Variants in MROH1 observed in about 807,000 individuals in gnomAD.
MROH1 encodes the protein maestro heat-like repeat-containing protein family member 1.
In MROH1, 117 loss-of-function variants were observed where a neutral mutation model predicts 116.5. The observed-to-expected ratio is 1.00, with a 90% CI of 0.86 to 1.17. MROH1 has a LOEUF of 1.17. MROH1 is among the 50% of genes most tolerant of loss of function. The pLI is 0.00. For missense variants in MROH1, 1,873 were observed against 1,338.5 expected, an observed-to-expected ratio of 1.40 and a Z score of -6.23; for synonymous variants, 921 against 583.9, an observed-to-expected ratio of 1.58 and a Z score of -8.32.
Position 144,254,944 on chromosome 8 carries a change from C to T in MROH1, c.3560C>T (p.Thr1187Ile), listed in dbSNP as rs1383577313. The change falls in exon 34 of 44, where the codon ACC becomes ATC. Residue 1187 changes from threonine (T) to isoleucine (I), a missense_variant. Transcript: ENST00000326134. Reference protein sequence around the residue: ...KESRAFLLGRTPDRVATLLPL... With the variant: ...KESRAFLLGRIPDRVATLLPL... ...AGCCGGGCCTTCCTGCTGGGCCGCA[C>T]CCCAGACCGCGTGGCCACGCTGCTG... is the stretch of plus-strand genomic sequence containing the variant. 9.0e-6 allele frequency: 7 copies of T among 773,766 alleles called. No individual in the cohort carries two copies. The highest frequency in any genetic ancestry group is 5.1e-5 in the African/African-American group (3 of 58,956). The allele number at this position is 773,766 out of a possible 1,614,324, so 47.9% of individuals were successfully genotyped here. A position where few individuals can be genotyped will look rare whatever the true frequency, so the allele number is the denominator to read the frequency against.
intron 1 of MROH1, among the ~76,000 whole-genome samples, chr8:144,157,977 A>G (rs1818569475): frequency 7.8e-6 from 1 of 127,758 alleles, no homozygotes; most frequent in South Asian, 2.4e-4. Flanking sequence ...GCGCCTGGCC[A>G]TCTATTTCTT....
At chr8:144,189,070 G>T (rs1011424241) in intron 7 of MROH1, among the ~76,000 whole-genome samples, 1 of 152,226 alleles carries the variant, frequency 6.6e-6, no homozygotes, top group Non-Finnish European at 1.5e-5. Flanking sequence ...AAAAGTAATT[G>T]TTTGAAAATA....
At chr8:144,169,257 T>G (rs570441967) in intron 4 of MROH1, among the ~76,000 whole-genome samples, 1 of 152,238 alleles carries the variant, frequency 6.6e-6, no homozygotes, top group South Asian at 2.1e-4. Flanking sequence ...TTTTGGTATG[T>G]AAAAAGGGAC....
intron 3 of MROH1, among the ~76,000 whole-genome samples, chr8:144,165,671 C>T (rs539148358): frequency 1.3e-5 from 2 of 151,718 alleles, no homozygotes; most frequent in African/African-American, 4.8e-5. Flanking sequence ...GCCTCCTGTC[C>T]TCAAGGGATC....
At chr8:144,215,953 G>A (rs1229820347) in intron 12 of MROH1, among the ~76,000 whole-genome samples, 7 of 151,862 alleles carry the variant, frequency 4.6e-5, no homozygotes, top group Non-Finnish European at 1.0e-4. Flanking sequence ...TTGGGAGGCC[G>A]AGGCACGGAT....
At chr8:144,159,394 A>G (rs1458565204) in intron 1 of MROH1, among the ~76,000 whole-genome samples, 1 of 152,192 alleles carries the variant, frequency 6.6e-6, no homozygotes, top group African/African-American at 2.4e-5. Flanking sequence ...GTTGAAATCT[A>G]TACTGCAATT....
intron 12 of MROH1, among the ~76,000 whole-genome samples, chr8:144,216,795 T>C (rs1340870122): frequency 6.6e-6 from 1 of 151,826 alleles, no homozygotes; most frequent in East Asian, 1.9e-4. Flanking sequence ...GTTCAAGCGA[T>C]TCTCCTGCCT....
rs1202978642 is a variant in MROH1, at chr8:144,236,895, CCTTTTTT to C, written c.1339-1860_1339-1854del. On this transcript the variant is annotated intron_variant, in intron 14 of 43. Transcript: ENST00000326134. ...CTGTTGTGACAGAGCCTCTCCTATT[CCTTTTTT>C]TTTTTTTTTTTTTTTTTTTTTGAGA... Among the ~76,000 whole-genome samples the C allele has an allele frequency of 5.4e-3, 712 of 131,158 alleles. 21 individuals carry two copies. Among genetic ancestry groups the C allele is most frequent in the African/African-American group, 0.02 (682 of 33,714 alleles). 86.0% of individuals were successfully genotyped at this position (131,158 alleles called of 152,430 possible).
At chr8:144,217,072 C>T (rs997229143) in intron 12 of MROH1, among the ~76,000 whole-genome samples, 4 of 152,056 alleles carry the variant, frequency 2.6e-5, no homozygotes, top group Non-Finnish European at 5.9e-5. Context: ...GTAATCCCTG[C>T]GTTTTCGGAG....
intron 12 of MROH1, among the ~76,000 whole-genome samples, chr8:144,219,165 G>T (rs1366020891): frequency 1.3e-5 from 2 of 151,744 alleles, no homozygotes; most frequent in Non-Finnish European, 2.9e-5. Flanking sequence ...TGGGACTACA[G>T]GCATCCACCA....
Position 144,190,850 on chromosome 8 carries a change from C to A in MROH1, c.629C>A (p.Thr210Lys). 6.2e-7 allele frequency: 1 copy of A among 1,613,840 alleles called. No individual in the cohort carries two copies. The highest frequency in any genetic ancestry group is 8.5e-7 in the Non-Finnish European group (1 of 1,179,886). The stretch of plus-strand genomic sequence containing the variant: ...AACCTGGACCGAGCCCCAGACCCCA[C>A]GGTCAGGAAGGACGCCTTTGCCACC... ...LANLDRAPDPTVRKDAFATDI... is the reference protein window; with the variant it reads ...LANLDRAPDPKVRKDAFATDI... Residue 210 changes from threonine to lysine, a missense_variant, in exon 8 of 44, where the codon ACG (threonine) becomes AAG (lysine). Thr to Lys is a moderately conservative substitution (Grantham distance 78). Coordinates refer to ENST00000326134, the MANE Select transcript of MROH1 (RefSeq NM_032450.3).
chr8:144,158,741 CT>C (rs545027106), intron 1 of MROH1, among the ~76,000 whole-genome samples: 79 of 146,580 alleles, frequency 5.4e-4, no homozygotes, highest in Admixed American at 6.2e-4. Context: ...TTCTTTTACA[CT>C]TTTTTTTTTT....
chr8:144,163,965 C>T lies in MROH1; in HGVS notation c.22+117C>T, dbSNP rs1192723709. 6.2e-5 allele frequency: 68 copies of T among 1,095,406 alleles called. No individual in the cohort carries two copies. Among genetic ancestry groups the T allele is most frequent in the Middle Eastern group, 5.0e-4 (2 of 3,988 alleles). 67.9% of individuals were successfully genotyped at this position (1,095,406 alleles called of 1,614,324 possible). On this transcript the variant is annotated intron_variant, in intron 3 of 43. Coordinates refer to ENST00000326134, the MANE Select transcript of MROH1 (RefSeq NM_032450.3). The surrounding 1 kb of genome is among the most constrained non-coding windows in gnomAD (Gnocchi z 4.4). ...GTGCCTAGAGTTTCCACCCTATACT[C>T]GGGAGCCTGAGTGGGTTCTGGGCAG...
Position 144,260,803 on chromosome 8 carries a change from C to G in MROH1, c.4507C>G (p.Leu1503Val). 1.3e-6 allele frequency: 1 copy of G among 778,154 alleles called. No individual in the cohort carries two copies. Among genetic ancestry groups the G allele is most frequent in the African/African-American group, 1.7e-5 (1 of 59,268 alleles). 48.2% of individuals were successfully genotyped at this position (778,154 alleles called of 1,614,324 possible). A position where few individuals can be genotyped will look rare whatever the true frequency, so the allele number is the denominator to read the frequency against. ...CGGGCTGGCGCCCCTGCTGCTGCAC[C>G]TGCAGGACCCTCAGGCCACCGTGGC... Reference protein sequence around the residue: ...VGGLAPLLLHLQDPQATVASA... With the variant: ...VGGLAPLLLHVQDPQATVASA... Residue 1503 changes from leucine to valine, a missense_variant, in exon 40 of 44, where the codon CTG becomes GTG. Transcript: ENST00000326134.
intron 12 of MROH1, among the ~76,000 whole-genome samples, chr8:144,215,859 C>G (rs182932527): frequency 7.3e-6 from 1 of 136,842 alleles, no homozygotes; most frequent in Non-Finnish European, 1.5e-5. Flanking sequence ...GGTGATAGAG[C>G]GAGACTCTGT....
At chr8:144,216,449 G>A (rs1175381267) in intron 12 of MROH1, among the ~76,000 whole-genome samples, 1 of 152,096 alleles carries the variant, frequency 6.6e-6, no homozygotes, top group African/African-American at 2.4e-5. Flanking sequence ...ATTCCATCCT[G>A]GGCAACAGAG....
Position 144,182,336 on chromosome 8 carries a change from G to T in MROH1, c.562+1813G>T, listed in dbSNP as rs1198528937. 7.2e-5 allele frequency among the ~76,000 whole-genome samples: 11 copies of T among 152,314 alleles called. No homozygotes were observed. The East Asian group carries it at 2.1e-3, about 29-fold the overall frequency. On this transcript the variant is annotated intron_variant, in intron 7 of 43. Coordinates refer to ENST00000326134, the MANE Select transcript of MROH1 (RefSeq NM_032450.3). This position sits in a 1 kb window ranked among gnomAD's most constrained non-coding sequence, Gnocchi z 4.1. ...CTGGCCTGGCCACGCCGTCCAGCAG[G>T]GCAGGCATCCAGTAATTCCTCCCGG...
At chr8:144,156,336 G>A (rs6558307) in intron 1 of MROH1, among the ~76,000 whole-genome samples, 149,979 of 152,048 alleles carry the variant, frequency 0.99, 74,000 homozygotes, top group East Asian at 1. Flanking sequence ...ATCATAAGTG[G>A]ACGTTGGATT....
rs759699453 is a variant in MROH1, at chr8:144,163,070, G to T, written c.-56-701G>T. On this transcript the variant is annotated intron_variant, in intron 2 of 43. Transcript: ENST00000326134. This position sits in a 1 kb window ranked among gnomAD's most constrained non-coding sequence, Gnocchi z 4.4. ...CGCCTCCAACCCATGTGTGCACAGCGCAGGGAGGTGTCCTGGCTGGTCAGG... is the reference window on the plus strand; with the variant it reads ...CGCCTCCAACCCATGTGTGCACAGCTCAGGGAGGTGTCCTGGCTGGTCAGG... Among the ~76,000 whole-genome samples, 1 of 152,188 alleles carries T rather than the reference G, an allele frequency of 6.6e-6. No homozygotes were observed. The highest frequency in any genetic ancestry group is 1.5e-5 in the Non-Finnish European group (1 of 68,034).
Sources: allele counts gnomAD v4.1 joint callset (sites outside exome capture counted in the v4.1 genomes callset), GRCh38; gene constraint gnomAD v4.1.1; non-coding constraint Gnocchi (gnomAD v3.1); transcripts MANE v1.5; gene names NCBI Gene and HGNC (gene_info 2026-07-23, HGNC 2026-07-21).